The following TCF4 variants were observed in gnomAD, a reference collection of about 807,000 sequenced individuals.
TCF4 encodes SL3-3 enhancer factor 2.
A neutral mutation model predicts 82.1 loss-of-function variants in TCF4; 3 were observed. That is an observed-to-expected ratio of 0.04 (90% confidence interval 0.02 to 0.09). The LOEUF (loss-of-function observed/expected upper bound fraction) is 0.09, where lower values mean the gene tolerates loss of function less well. Among genes scored for constraint, TCF4 ranks in the 10% least tolerant of loss-of-function variants. TCF4 has a pLI of 1.00. For missense variants in TCF4, 518 were observed against 852.7 expected (o/e 0.61, Z 4.89); for synonymous variants, 276 against 309.6 (o/e 0.89, Z 1.14).
chr18:55,379,837 C>T (rs2091564687), intron 6 of TCF4, among the ~76,000 whole-genome samples: 1 of 152,096 alleles, frequency 6.6e-6, no homozygotes, highest in South Asian at 2.1e-4. Flanking sequence ...ATTCTAAGAT[C>T]AGGACCAGAA....
At chr18:55,484,644 C>T (rs1007707185) in intron 3 of TCF4, among the ~76,000 whole-genome samples, 43 of 152,308 alleles carry the variant, frequency 2.8e-4, no homozygotes, top group African/African-American at 9.9e-4. Context: ...GTGGACAGAA[C>T]ATCTATTATA....
chr18:55,377,555 T>C (rs1262053155), intron 6 of TCF4, among the ~76,000 whole-genome samples: 2 of 152,246 alleles, frequency 1.3e-5, no homozygotes, highest in African/African-American at 2.4e-5. Context: ...CTGATACAAA[T>C]AGCCACTTGG....
chr18:55,314,586 AC>A (rs2073567046), intron 8 of TCF4, among the ~76,000 whole-genome samples: 1 of 150,348 alleles, frequency 6.7e-6, no homozygotes, highest in African/African-American at 2.5e-5. Context: ...AAAAAAGACC[AC>A]ACATTCTAGG....
intron 8 of TCF4, among the ~76,000 whole-genome samples, chr18:55,325,881 T>C (rs1163864648): frequency 6.6e-6 from 1 of 152,204 alleles, no homozygotes; most frequent in Non-Finnish European, 1.5e-5. Flanking sequence ...ATAAATTAAA[T>C]AACCACCTCA....
chr18:55,422,169 C>T (rs1367002942), intron 5 of TCF4: 11 of 828,586 alleles, frequency 1.3e-5, no homozygotes, highest in Admixed American at 7.1e-5. Flanking sequence ...ATAGAGAAAT[C>T]GAATACTTGC....
intron 2 of TCF4, among the ~76,000 whole-genome samples, chr18:55,620,066 T>C (rs2147979714): frequency 6.6e-6 from 1 of 152,290 alleles, no homozygotes; most frequent in South Asian, 2.1e-4. Flanking sequence ...AATCATTTTA[T>C]AAATGTTTGG....
chr18:55,460,790 T>C (rs990322679), intron 5 of TCF4, among the ~76,000 whole-genome samples: 1 of 152,186 alleles, frequency 6.6e-6, no homozygotes, highest in Non-Finnish European at 1.5e-5. Flanking sequence ...TCCACATAGA[T>C]TCAGTATCAC....
chr18:55,505,023 C>T (rs2096738329), intron 3 of TCF4, among the ~76,000 whole-genome samples: 1 of 152,182 alleles, frequency 6.6e-6, no homozygotes, highest in Non-Finnish European at 1.5e-5. Flanking sequence ...AGCAATAAAA[C>T]TGTCCTATAA....
chr18:55,586,152 G>GCA lies in TCF4; in HGVS notation c.73-801_73-800insTG, dbSNP rs1364471152. ...AGGAGGAGAAGGAGGAGGAGGAGGA[G>GCA]GAGCAGCAGCAGCAGCAGCAGCAGC... On this transcript the variant is annotated intron_variant, in intron 2 of 19. Transcript: ENST00000354452. 1.1e-3 allele frequency: 1,325 copies of GCA among 1,199,794 alleles called. 108 individuals carry two copies. The highest frequency in any genetic ancestry group is 2.2e-3 in the South Asian group (152 of 68,418). 74.3% of individuals were successfully genotyped at this position (1,199,794 alleles called of 1,614,324 possible). A position where few individuals can be genotyped will look rare whatever the true frequency, so the allele number is the denominator to read the frequency against.
chr18:55,583,571 CCTTA>C (rs1285264738), intron 3 of TCF4, among the ~76,000 whole-genome samples: 2 of 152,064 alleles, frequency 1.3e-5, no homozygotes, highest in Non-Finnish European at 2.9e-5. Flanking sequence ...TTTCTAAACA[CCTTA>C]CTTTATTAAA....
intron 3 of TCF4, among the ~76,000 whole-genome samples, chr18:55,499,080 A>T (rs1050637877): frequency 3.3e-5 from 5 of 152,134 alleles, no homozygotes; most frequent in African/African-American, 1.2e-4. Context: ...AAGAAATGCA[A>T]ATGTTAGCCA....
intron 5 of TCF4, among the ~76,000 whole-genome samples, chr18:55,407,563 C>T (rs755419450): frequency 1.5e-4 from 22 of 150,944 alleles, no homozygotes; most frequent in Non-Finnish European, 2.8e-4. Context: ...TTAAAAATGG[C>T]ACCAAATGGC....
At chr18:55,450,811 C>T (rs1218444145) in intron 5 of TCF4, among the ~76,000 whole-genome samples, 1 of 152,162 alleles carries the variant, frequency 6.6e-6, no homozygotes, top group Non-Finnish European at 1.5e-5. Context: ...TGTAGTGACT[C>T]CATTATTCAG....
intron 3 of TCF4, among the ~76,000 whole-genome samples, chr18:55,489,883 G>C (rs1009228125): frequency 2.0e-5 from 3 of 152,126 alleles, no homozygotes; most frequent in Admixed American, 6.5e-5. Flanking sequence ...ATCCCGGCTC[G>C]GTGATGAAAA....
intron 5 of TCF4, among the ~76,000 whole-genome samples, chr18:55,442,036 T>C (rs1263783808): frequency 6.6e-6 from 1 of 152,224 alleles, no homozygotes; most frequent in Non-Finnish European, 1.5e-5. Context: ...GTTTCTCCAC[T>C]GACACAACTT....
At chr18:55,526,329 CTATAA>C (rs1412611475) in intron 3 of TCF4, among the ~76,000 whole-genome samples, 1 of 152,178 alleles carries the variant, frequency 6.6e-6, no homozygotes, top group Non-Finnish European at 1.5e-5. Context: ...CCAGAGGTCT[CTATAA>C]TATACTATGG....
At chr18:55,294,404 A>C (rs2065961271) in intron 8 of TCF4, among the ~76,000 whole-genome samples, 1 of 152,216 alleles carries the variant, frequency 6.6e-6, no homozygotes, top group Non-Finnish European at 1.5e-5. Context: ...GCCCAAAGCA[A>C]GCACCCAATA....
intron 9 of TCF4, 36 bp from the exon 10 acceptor site, chr18:55,275,788 C>G (rs759656612): frequency 6.2e-7 from 1 of 1,613,464 alleles, no homozygotes; most frequent in Admixed American, 1.7e-5. Context: ...CTTTCTGAGG[C>G]ATTCAGCCTT....
intron 3 of TCF4, among the ~76,000 whole-genome samples, chr18:55,515,277 A>G (rs752177315): frequency 6.6e-6 from 1 of 152,188 alleles, no homozygotes; most frequent in African/African-American, 2.4e-5. Context: ...AAATGGCCTC[A>G]CCAAGTTAAG....
Sources: gnomAD v4.1 joint callset for allele counts (sites outside exome capture counted in the v4.1 genomes callset) on GRCh38, gnomAD v4.1.1 for gene constraint, MANE v1.5 for transcripts, NCBI Gene and HGNC (gene_info 2026-07-23, HGNC 2026-07-21) for gene names.